RPTOR: variants seen among roughly 807,000 people sequenced by gnomAD.
The protein encoded by RPTOR is regulatory associated protein of MTOR complex 1, also known as regulatory-associated protein of mTOR.
In RPTOR, 21 loss-of-function variants were observed where a neutral mutation model predicts 169.9. That is an observed-to-expected ratio of 0.12 (90% CI 0.09 to 0.18). The LOEUF is 0.18. Ranked by LOEUF, RPTOR falls within the 10% of genes least tolerant of loss-of-function variation. The pLI, the probability that RPTOR is intolerant of heterozygous loss-of-function variation, is 1.00. For synonymous variants in RPTOR, 732 were observed against 753.2 expected (o/e 0.97, Z 0.46); for missense variants, 1,133 against 1,855.9 (o/e 0.61, Z 7.16).
At position 80,707,779 on chromosome 17, in the gene RPTOR, G is replaced by C. The variant is rs149336456; in HGVS notation, c.349-62G>C. 1,214 of 1,512,114 alleles carry C rather than the reference G, an allele frequency of 8.0e-4. 9 individuals are homozygous for C. In the African/African-American group the frequency reaches 0.015, roughly 19 times the overall value. The allele number at this position is 1,512,114 out of a possible 1,614,324, so 93.7% of individuals were successfully genotyped here. Reference sequence around the variant, plus strand: ...TGCAAACCCAGAGGAAAGGGTAGGGGATGAGTTCCAAGCATTCCCTGGAGT... The same window carrying C: ...TGCAAACCCAGAGGAAAGGGTAGGGCATGAGTTCCAAGCATTCCCTGGAGT... On this transcript the variant is annotated intron_variant, in intron 3 of 33. Transcript: ENST00000306801. This position sits in a 1 kb window ranked among gnomAD's most constrained non-coding sequence, Gnocchi z 5.0.
rs553544423 is a variant in RPTOR at position 80,803,300 on chromosome 17, G to A, written c.890+11791G>A. The A allele has an allele frequency of 9.2e-5, 14 of 152,428 alleles. No homozygotes were observed. The highest frequency in any genetic ancestry group is 3.4e-4 in the African/African-American group (14 of 41,588). The allele number at this position is 152,428 out of a possible 1,614,324, so 9.4% of individuals were successfully genotyped here. ...TAAACTTCTGGAAACCGAGGCAAGG[G>A]AGGTGGAGAGACTTGCTCAGGGTCA... is the stretch of plus-strand genomic sequence containing the variant. On this transcript the variant is annotated intron_variant, in intron 7 of 33. Coordinates refer to ENST00000306801, the MANE Select transcript of RPTOR (RefSeq NM_020761.3). This position sits in a 1 kb window ranked among gnomAD's most constrained non-coding sequence, Gnocchi z 6.2.
intron 7 of RPTOR, 69 bp downstream of exon 7, chr17:80,791,578 T>C (rs931316843): frequency 1.4e-6 from 2 of 1,400,592 alleles, no homozygotes. Flanking sequence ...TTGAAGGCTC[T>C]TGCTTCTCAG....
chr17:80,894,178 T>C (rs1345618389), intron 20 of RPTOR, among the ~76,000 whole-genome samples: 3 of 152,152 alleles, frequency 2.0e-5, no homozygotes, highest in African/African-American at 7.2e-5. Flanking sequence ...GAGTTCTTCA[T>C]GGTGCTGGAC....
At chr17:80,683,704 G>A (rs2065914955) in intron 3 of RPTOR, among the ~76,000 whole-genome samples, 1 of 152,060 alleles carries the variant, frequency 6.6e-6, no homozygotes, top group African/African-American at 2.4e-5. Context: ...TACTGTCATT[G>A]TTTATTTTGA....
rs141932662 is a variant in RPTOR at position 80,903,623 on chromosome 17, A to G, written c.2402-5188A>G. Among the ~76,000 whole-genome samples, 16 of 152,242 alleles carry G rather than the reference A, an allele frequency of 1.1e-4. No individual in the cohort carries two copies. The East Asian group carries it at 2.7e-3, about 26-fold the overall frequency. On this transcript the variant is annotated intron_variant, in intron 20 of 33. Transcript: ENST00000306801. Reference sequence around the variant, plus strand: ...GGCCTCGAACTCTTGGGCTCAAGCAATCCTCCCACCTCACCTTCTTGGGTA... The same window carrying G: ...GGCCTCGAACTCTTGGGCTCAAGCAGTCCTCCCACCTCACCTTCTTGGGTA...
chr17:80,961,279 G>A (rs185455528), intron 30 of RPTOR, 115 bp from the exon 31 acceptor site: 21 of 936,680 alleles, frequency 2.2e-5, no homozygotes, highest in African/African-American at 1.3e-4. Flanking sequence ...GCGGACGGGC[G>A]AGGGCCTGCG....
chr17:80,795,080 A>G (rs1377893595), intron 7 of RPTOR, among the ~76,000 whole-genome samples: 2 of 152,222 alleles, frequency 1.3e-5, no homozygotes, highest in Admixed American at 1.3e-4. Flanking sequence ...GGAGGAAAAA[A>G]ACACCACGAG....
rs1247424438 is a variant in RPTOR, at chr17:80,845,007, G to T, written c.1213-1466G>T. The stretch of plus-strand genomic sequence containing the variant: ...TTTTTTTTCTTTAATTCTTTGTATC[G>T]GGGGCTCAGGGAAGGCAGAGCTGTG... On this transcript the variant is annotated intron_variant, in intron 10 of 33. Coordinates refer to ENST00000306801, the MANE Select transcript of RPTOR (RefSeq NM_020761.3). The surrounding 1 kb of genome is among the most constrained non-coding windows in gnomAD (Gnocchi z 5.4). Among the ~76,000 whole-genome samples the T allele has an allele frequency of 6.7e-6, 1 of 150,174 alleles. No individual in the cohort carries two copies. Among genetic ancestry groups the T allele is most frequent in the Non-Finnish European group, 1.5e-5 (1 of 67,702 alleles).
intron 20 of RPTOR, among the ~76,000 whole-genome samples, chr17:80,901,720 A>G (rs1010319788): frequency 6.6e-6 from 1 of 152,208 alleles, no homozygotes; most frequent in African/African-American, 2.4e-5. Context: ...AACCATGGCA[A>G]CCTGGAGAGT....
intron 1 of RPTOR, among the ~76,000 whole-genome samples, chr17:80,616,874 T>A (rs923692641): frequency 6.6e-6 from 1 of 152,186 alleles, no homozygotes; most frequent in Non-Finnish European, 1.5e-5. Flanking sequence ...CTCGATCTCT[T>A]AAGTGTGCCC....
At chr17:80,584,073 G>A (rs917424290) in intron 1 of RPTOR, among the ~76,000 whole-genome samples, 1 of 152,200 alleles carries the variant, frequency 6.6e-6, no homozygotes, top group Admixed American at 6.5e-5. Context: ...GGCGCAGGGG[G>A]ACCCAGCAGG....
chr17:80,733,424 T>A (rs902087268), intron 5 of RPTOR, among the ~76,000 whole-genome samples: 2 of 152,244 alleles, frequency 1.3e-5, no homozygotes, highest in African/African-American at 4.8e-5. Context: ...AGGTTTATGA[T>A]GAATAAAGTA....
At chr17:80,693,028 G>A (rs1446715411) in intron 3 of RPTOR, among the ~76,000 whole-genome samples, 2 of 152,312 alleles carry the variant, frequency 1.3e-5, no homozygotes, top group East Asian at 3.9e-4. Context: ...GGGAAGTGCT[G>A]TATGTTGTAC....
intron 10 of RPTOR, among the ~76,000 whole-genome samples, chr17:80,841,771 ACGG>A (rs2067666667): frequency 7.5e-6 from 1 of 132,782 alleles, no homozygotes; most frequent in African/African-American, 2.9e-5. Flanking sequence ...CTCTCCCCGC[ACGG>A]CAGCTCACTC....
intron 3 of RPTOR, among the ~76,000 whole-genome samples, chr17:80,688,733 C>CT (rs1003917188): frequency 7.2e-5 from 11 of 152,320 alleles, no homozygotes; most frequent in African/African-American, 2.4e-4. Context: ...TGCTCCATCC[C>CT]TTTTTTGTTA....
intron 21 of RPTOR, 81 bp downstream of exon 21, chr17:80,909,010 C>T (rs2068579376): frequency 3.3e-6 from 3 of 921,708 alleles, no homozygotes; most frequent in Non-Finnish European, 3.6e-6. Flanking sequence ...CCAGGTGTGC[C>T]CGGGTCCACA....
chr17:80,680,576 C>T (rs753988235), intron 3 of RPTOR, among the ~76,000 whole-genome samples: 18 of 152,116 alleles, frequency 1.2e-4, no homozygotes, highest in Admixed American at 3.9e-4. Flanking sequence ...TTGCAGTGAG[C>T]CAAGATTGAG....
intron 4 of RPTOR, among the ~76,000 whole-genome samples, chr17:80,715,940 A>G (rs528010193): frequency 3.9e-5 from 6 of 152,166 alleles, no homozygotes; most frequent in Non-Finnish European, 7.3e-5. Context: ...ATGTATATAT[A>G]CCATATTTTC....
chr17:80,602,519 A>G (rs577887012), intron 1 of RPTOR: 23 of 445,568 alleles, frequency 5.2e-5, no homozygotes, highest in South Asian at 4.3e-4. Flanking sequence ...GAGTTTTATA[A>G]CTTTATTTGA....
Sources: gnomAD v4.1 joint callset for allele counts (sites outside exome capture counted in the v4.1 genomes callset) on GRCh38, gnomAD v4.1.1 for gene constraint, Gnocchi (gnomAD v3.1) non-coding constraint, MANE v1.5 for transcripts, NCBI Gene and HGNC (gene_info 2026-07-23, HGNC 2026-07-21) for gene names.